Variants in SLC5A12 observed in about 807,000 individuals in gnomAD.
SLC5A12 encodes solute carrier family 5 member 12.
In SLC5A12, 46 loss-of-function variants were observed where a neutral mutation model predicts 72.7. The ratio of observed to expected loss-of-function variants is 0.63; its 90% CI spans 0.50 to 0.81. The LOEUF is 0.81. SLC5A12 is among the 30% of genes least tolerant of loss of function. The pLI is 0.00. For synonymous variants in SLC5A12, 275 were observed against 264.4 expected (o/e 1.04, Z -0.39); for missense variants, 683 against 740.7 (o/e 0.92, Z 0.90).
chr11:26,669,007 T>C lies in SLC5A12; in HGVS notation c.*2095A>G, dbSNP rs1299755022. Reference sequence around the variant, plus strand: ...TATTTTGCTTTTATGCTATCCCAAGTGGAAGTTCACAATCCTGATGTATTC... The same window carrying C: ...TATTTTGCTTTTATGCTATCCCAAGCGGAAGTTCACAATCCTGATGTATTC... On this transcript the variant is annotated 3_prime_UTR_variant, in exon 15 of 15. Coordinates refer to ENST00000396005, the MANE Select transcript of SLC5A12 (RefSeq NM_178498.4). The C allele has an allele frequency of 1.3e-5, 2 of 151,968 alleles. No individual in the cohort carries two copies. The highest frequency in any genetic ancestry group is 4.8e-5 in the African/African-American group (2 of 41,424). 9.4% of individuals were successfully genotyped at this position (151,968 alleles called of 1,614,324 possible).
intron 4 of SLC5A12, among the ~76,000 whole-genome samples, chr11:26,706,130 T>C (rs1195880195): frequency 6.6e-6 from 1 of 152,030 alleles, no homozygotes; most frequent in Non-Finnish European, 1.5e-5. Context: ...TTATTTTAAA[T>C]ATTTTATACA....
At position 26,681,132 on chromosome 11, in the gene SLC5A12, T is replaced by C. The variant is rs537996616; in HGVS notation, c.1398A>G (p.Thr466=). The stretch of plus-strand genomic sequence containing the variant: ...GGTCTGTTGACAGAGGCAAAGGCCA[T>C]GTCTTAGAGGCTGGTGCAGGGTAAA... ...AFIYPAPASK[T]WPLPLSTDQC... Residue 466 remains threonine (T), a synonymous_variant, in exon 12 of 15, where the codon ACA becomes ACG. Transcript: ENST00000396005. The C allele has an allele frequency of 3.7e-6, 6 of 1,611,598 alleles. No individual in the cohort carries two copies. Among genetic ancestry groups the C allele is most frequent in the Non-Finnish European group, 4.2e-6 (5 of 1,178,920 alleles).
chr11:26,693,547 G>T (rs1192154254), intron 8 of SLC5A12, among the ~76,000 whole-genome samples: 1 of 152,086 alleles, frequency 6.6e-6, no homozygotes, highest in Non-Finnish European at 1.5e-5. Context: ...AATAAAATGA[G>T]ACCTTCTTCA....
intron 14 of SLC5A12, 70 bp downstream of exon 14, chr11:26,673,332 G>A (rs1854187702): frequency 1.4e-6 from 2 of 1,383,234 alleles, no homozygotes; most frequent in Non-Finnish European, 9.5e-7. Context: ...TTTGCAGCCG[G>A]TTTAAATGGG....
rs755376232 is a variant in SLC5A12 at position 26,721,558 on chromosome 11, C to T, written c.157G>A (p.Val53Ile). Reference protein sequence around the residue: ...VGGRQMSFGPVGLSLTASFMS... With the variant: ...VGGRQMSFGPIGLSLTASFMS... ...AAGCTGGCTGTCAGAGACAAGCCGA[C>T]AGGGCCAAAGCTCATTTGCCTTCCC... The change falls in exon 1 of 15, where the codon GTC becomes ATC. Residue 53 changes from valine (V) to isoleucine (I), a missense_variant. Transcript: ENST00000396005. 3 of 1,614,140 alleles carry T rather than the reference C, an allele frequency of 1.9e-6. No homozygotes were observed. The South Asian group carries it at 3.3e-5, about 18-fold the overall frequency.
chr11:26,720,227 C>A (rs142283554), intron 1 of SLC5A12, among the ~76,000 whole-genome samples: 24 of 152,068 alleles, frequency 1.6e-4, no homozygotes, highest in African/African-American at 5.1e-4. Context: ...TGGTGGCAAA[C>A]TTCTGTAGTC....
chr11:26,694,599 A>G (rs7926240), intron 8 of SLC5A12, among the ~76,000 whole-genome samples: 20,313 of 152,166 alleles, frequency 0.13, 1,702 homozygotes, highest in African/African-American at 0.24. Context: ...TAAAAACAAT[A>G]TTAGTAAAAA....
rs75473290 is a variant in SLC5A12, at chr11:26,671,230, C to T, written c.1729G>A (p.Ala577Thr). The change falls in exon 15 of 15, where the codon GCC (alanine) becomes ACC (threonine). Residue 577 changes from alanine (A) to threonine (T), a missense_variant. Transcript: ENST00000396005. ...TEQENLENGSARKQGAESVLQ... is the reference protein window; with the variant it reads ...TEQENLENGSTRKQGAESVLQ... Reference sequence around the variant, plus strand: ...ACAGATTCAGCCCCCTGTTTCCGGGCACTGCCATTCTCAAGGTTTTCCTGA... The same window carrying T: ...ACAGATTCAGCCCCCTGTTTCCGGGTACTGCCATTCTCAAGGTTTTCCTGA... 237 of 1,601,894 alleles carry T rather than the reference C, an allele frequency of 1.5e-4. No homozygotes were observed. The African/African-American group carries it at 3.0e-3, about 20-fold the overall frequency.
intron 13 of SLC5A12, 73 bp downstream of exon 13, chr11:26,678,639 C>T: frequency 9.1e-7 from 1 of 1,097,432 alleles, no homozygotes; most frequent in East Asian, 2.4e-5. Context: ...AGCAATAAGA[C>T]AGACAGCCAG....
At chr11:26,697,426 G>A (rs4370890) in intron 7 of SLC5A12, among the ~76,000 whole-genome samples, 174 bp from the exon 8 acceptor site, 5,198 of 152,136 alleles carry the variant, frequency 0.034, 289 homozygotes, top group African/African-American at 0.11. Context: ...TTCAATATAC[G>A]CCATTTTCTT....
rs187819853 is a variant in SLC5A12 at position 26,715,283 on chromosome 11, G to C, written c.340-2577C>G. ...ATGTTGATGGCATCTAAATGTGCCT[G>C]AGATTATCTGCTTGAGAGTGTTCTG... On this transcript the variant is annotated intron_variant, in intron 1 of 14. Coordinates refer to ENST00000396005, the MANE Select transcript of SLC5A12 (RefSeq NM_178498.4). Among the ~76,000 whole-genome samples, 45 of 152,204 alleles carry C rather than the reference G, an allele frequency of 3.0e-4. No individual in the cohort carries two copies. The East Asian group carries it at 4.8e-3, about 16-fold the overall frequency.
At position 26,697,259 on chromosome 11, in the gene SLC5A12, A is replaced by C; in HGVS notation, c.952-7T>G. On this transcript the variant is annotated splice_polypyrimidine_tract_variant and splice_region_variant and intron_variant, in intron 7 of 14. Transcript: ENST00000396005. ...TGACAAAGTACGGCATCAGCTGAAG[A>C]GGAGGCAAAACATAAAAAAATAAAT... 1 of 1,600,482 alleles carries C rather than the reference A, an allele frequency of 6.2e-7. No homozygotes were observed. The highest frequency in any genetic ancestry group is 8.5e-7 in the Non-Finnish European group (1 of 1,175,950).
rs1854067319 is a variant in SLC5A12 at position 26,669,141 on chromosome 11, C to T, written c.*1961G>A. ...CAGAATTGCTGTTTTTTTATTCTTTCTGTCTCTCTCTTCCTCTTCCTGTCT... is the reference window on the plus strand; with the variant it reads ...CAGAATTGCTGTTTTTTTATTCTTTTTGTCTCTCTCTTCCTCTTCCTGTCT... On this transcript the variant is annotated 3_prime_UTR_variant, in exon 15 of 15. Coordinates refer to ENST00000396005, the MANE Select transcript of SLC5A12 (RefSeq NM_178498.4). 1.5e-5 allele frequency: 2 copies of T among 131,588 alleles called. No individual in the cohort carries two copies. The highest frequency in any genetic ancestry group is 7.7e-5 in the Admixed American group (1 of 12,930). The allele number at this position is 131,588 out of a possible 1,614,324, so 8.2% of individuals were successfully genotyped here. A position where few individuals can be genotyped will look rare whatever the true frequency, so the allele number is the denominator to read the frequency against.
chr11:26,712,519 G>T, intron 2 of SLC5A12, 122 bp downstream of exon 2: 1 of 544,416 alleles, frequency 1.8e-6, no homozygotes, highest in Non-Finnish European at 3.1e-6. Context: ...GCTATCTTTG[G>T]AAGAAAGTAG....
At chr11:26,671,776 T>C (rs1243376023) in intron 14 of SLC5A12, among the ~76,000 whole-genome samples, 1 of 152,124 alleles carries the variant, frequency 6.6e-6, no homozygotes, top group African/African-American at 2.4e-5. Context: ...ATTAATTAAG[T>C]TTATTATTTA....
In SLC5A12 at chr11:26,697,164, C is replaced by G; in HGVS notation, c.1040G>C (p.Ser347Thr). 1 of 1,612,176 alleles carries G rather than the reference C, an allele frequency of 6.2e-7. No homozygotes were observed. The highest frequency in any genetic ancestry group is 8.5e-7 in the Non-Finnish European group (1 of 1,178,902). ...ATCAGATTGTTGTTGCTATACTAAC[C>G]TCAGAGTTCCACTGAAGGCACAAGC... ...FVACAFSGTL[S>T]TVASSINALA... Residue 347 changes from serine (S) to threonine (T), a missense_variant and splice_region_variant, in exon 8 of 15, where the codon AGC becomes ACC. By Grantham distance (58) the Ser-to-Thr change is moderately conservative. Transcript: ENST00000396005.
intron 1 of SLC5A12, 131 bp downstream of exon 1, chr11:26,721,245 C>T (rs1408732872): frequency 1.3e-6 from 1 of 741,502 alleles, no homozygotes; most frequent in South Asian, 2.1e-5. Flanking sequence ...AGGCTTTTTA[C>T]AAAAACATTT....
intron 7 of SLC5A12, among the ~76,000 whole-genome samples, 195 bp from the exon 8 acceptor site, chr11:26,697,447 C>T (rs1365896903): frequency 1.3e-5 from 2 of 151,962 alleles, no homozygotes; most frequent in Non-Finnish European, 2.9e-5. Flanking sequence ...TCGTGTTTAT[C>T]CTGAATGTTA....
chr11:26,697,084 G>A, intron 8 of SLC5A12, 80 bp downstream of exon 8: 1 of 1,219,366 alleles, frequency 8.2e-7, no homozygotes, highest in South Asian at 1.3e-5. Flanking sequence ...GTGAGTGCTT[G>A]CTAAATATTG....
Sources: allele counts gnomAD v4.1 joint callset (sites outside exome capture counted in the v4.1 genomes callset), GRCh38; gene constraint gnomAD v4.1.1; transcripts MANE v1.5; gene names NCBI Gene and HGNC (gene_info 2026-07-23, HGNC 2026-07-21).